SLAIN2: variants seen among roughly 807,000 people sequenced by gnomAD.
SLAIN2 encodes the protein SLAIN family member 2.
SLAIN2 carries 31 observed loss-of-function variants against 56.6 expected under a neutral mutation model. The observed-to-expected ratio is 0.55, with a 90% confidence interval of 0.41 to 0.74. The LOEUF is 0.74. Ranked by LOEUF, SLAIN2 falls within the 30% of genes least tolerant of loss-of-function variation. The pLI is 0.00. For missense variants in SLAIN2, 777 were observed against 754.2 expected (o/e 1.03, Z -0.35); for synonymous variants, 317 against 284.9 (o/e 1.11, Z -1.13).
At chr4:48,414,156 C>T (rs1387287875) in intron 6 of SLAIN2, among the ~76,000 whole-genome samples, 1 of 152,146 alleles carries the variant, frequency 6.6e-6, no homozygotes, top group Non-Finnish European at 1.5e-5. Flanking sequence ...GATAGATCTC[C>T]TTCACATTAT....
intron 7 of SLAIN2, among the ~76,000 whole-genome samples, chr4:48,421,500 G>GT (rs1214416338): frequency 6.6e-6 from 1 of 152,082 alleles, no homozygotes; most frequent in Non-Finnish European, 1.5e-5. Flanking sequence ...TATTAAATGA[G>GT]TAGGTATTCT....
chr4:48,362,413 TTCTC>T (rs935068293), intron 1 of SLAIN2, among the ~76,000 whole-genome samples: 3 of 151,192 alleles, frequency 2.0e-5, no homozygotes, highest in East Asian at 1.9e-4. Flanking sequence ...CTGTCTCCCT[TTCTC>T]TCTCTCTTTT....
intron 2 of SLAIN2, among the ~76,000 whole-genome samples, chr4:48,373,551 A>G (rs1462218364): frequency 6.6e-6 from 1 of 152,156 alleles, no homozygotes; most frequent in African/African-American, 2.4e-5. Flanking sequence ...GGTACATTAT[A>G]AAGAAAAATG....
At chr4:48,347,136 G>A (rs1291728515) in intron 1 of SLAIN2, among the ~76,000 whole-genome samples, 1 of 151,898 alleles carries the variant, frequency 6.6e-6, no homozygotes, top group Admixed American at 6.5e-5. Flanking sequence ...TGGCCAAGCA[G>A]AGCCTCATGG....
chr4:48,347,468 C>T (rs564703442), intron 1 of SLAIN2, among the ~76,000 whole-genome samples: 23 of 152,128 alleles, frequency 1.5e-4, no homozygotes, highest in Admixed American at 5.9e-4. Context: ...AGGCTGGTCT[C>T]GAACTCCTGG....
chr4:48,346,328 GT>G (rs1163032919), intron 1 of SLAIN2, among the ~76,000 whole-genome samples: 3 of 152,148 alleles, frequency 2.0e-5, no homozygotes, highest in Non-Finnish European at 4.4e-5. Context: ...TAAAATTTCT[GT>G]TCTTTTCCAT....
rs1197100000 is a variant in SLAIN2 at position 48,382,594 on chromosome 4, A to T, written c.889A>T (p.Thr297Ser). ...ESLRQEYAAT[T>S]SRRSSGSSCN... ...TCTCCGGCAAGAATATGCAGCCACC[A>T]CGTCTCGGCGCAGTTCTGGTTCATC... The change falls in exon 5 of 8, where the codon ACG becomes TCG. Residue 297 changes from threonine to serine, a missense_variant. By Grantham distance (58) the Thr-to-Ser change is moderately conservative. Coordinates refer to ENST00000264313, the MANE Select transcript of SLAIN2 (RefSeq NM_020846.2). 10 of 1,588,146 alleles carry T rather than the reference A, an allele frequency of 6.3e-6. No homozygotes were observed. Among genetic ancestry groups the T allele is most frequent in the African/African-American group, 1.3e-5 (1 of 74,666 alleles).
chr4:48,382,356 GATTTCATTCAATTTAAAAATA>G (rs1715990799), intron 4 of SLAIN2, among the ~76,000 whole-genome samples, 191 bp from the exon 5 acceptor site: 2 of 151,968 alleles, frequency 1.3e-5, no homozygotes, highest in Admixed American at 6.6e-5. Context: ...TGGTTTATGG[GATTTCATTCAATTTAAAAATA>G]ACCTTCAGAT....
chr4:48,376,900 C>G (rs1183805895), intron 2 of SLAIN2, among the ~76,000 whole-genome samples: 1 of 145,548 alleles, frequency 6.9e-6, no homozygotes, highest in Non-Finnish European at 1.5e-5. Context: ...CGTGAGCCAC[C>G]GCGCCCGGCC....
intron 1 of SLAIN2, among the ~76,000 whole-genome samples, chr4:48,345,211 T>C (rs192255753): frequency 4.5e-4 from 68 of 152,328 alleles, no homozygotes; most frequent in African/African-American, 1.6e-3. Flanking sequence ...AATGTCCTTT[T>C]CACATGAATG....
chr4:48,421,160 C>T (rs1334769582), intron 7 of SLAIN2, among the ~76,000 whole-genome samples: 4 of 152,148 alleles, frequency 2.6e-5, no homozygotes, highest in African/African-American at 7.2e-5. Context: ...GGACTACAGG[C>T]GCACACCACC....
intron 4 of SLAIN2, among the ~76,000 whole-genome samples, chr4:48,381,783 C>T (rs1715978827): frequency 6.6e-6 from 1 of 152,146 alleles, no homozygotes; most frequent in African/African-American, 2.4e-5. Context: ...TAATAGTTAG[C>T]AGGTTGTGCT....
Position 48,394,725 on chromosome 4 carries a change from C to T in SLAIN2, c.1360+10941C>T. The T allele has an allele frequency of 2.4e-6, 3 of 1,243,090 alleles. No homozygotes were observed. The South Asian group carries it at 4.0e-5, about 17-fold the overall frequency. The allele number at this position is 1,243,090 out of a possible 1,614,324, so 77.0% of individuals were successfully genotyped here. A position where few individuals can be genotyped will look rare whatever the true frequency, so the allele number is the denominator to read the frequency against. On this transcript the variant is annotated intron_variant, in intron 6 of 7. Transcript: ENST00000264313. The stretch of plus-strand genomic sequence containing the variant: ...GTTAAATCTTAAGCCATTTGGCATA[C>T]TGAGTCAGTGGTGTCTGTAAGGCAC...
At chr4:48,363,722 C>T (rs1304635880) in intron 1 of SLAIN2, among the ~76,000 whole-genome samples, 8 of 115,110 alleles carry the variant, frequency 6.9e-5, no homozygotes, top group East Asian at 2.8e-4. Flanking sequence ...ACCTCCCAGA[C>T]GGGGCGGCTG....
At chr4:48,345,983 G>C (rs1714853136) in intron 1 of SLAIN2, among the ~76,000 whole-genome samples, 1 of 22,900 alleles carries the variant, frequency 4.4e-5, no homozygotes, top group Non-Finnish European at 3.8e-3. Flanking sequence ...ATTTTGTGTA[G>C]ACATTATGAT....
chr4:48,370,685 C>A (rs1350666482), intron 2 of SLAIN2, among the ~76,000 whole-genome samples: 3 of 152,262 alleles, frequency 2.0e-5, no homozygotes, highest in South Asian at 4.1e-4. Context: ...TGTAGCATGC[C>A]AGTGTGGGCA....
intron 1 of SLAIN2, among the ~76,000 whole-genome samples, chr4:48,354,461 C>T (rs404656): frequency 0.56 from 84,573 of 151,430 alleles, 23,961 homozygotes; most frequent in South Asian, 0.69. Flanking sequence ...TTAATTGTTA[C>T]GGATATTTTT....
chr4:48,404,237 C>T (rs950146626), intron 6 of SLAIN2, among the ~76,000 whole-genome samples: 6 of 152,096 alleles, frequency 3.9e-5, no homozygotes, highest in East Asian at 1.9e-4. Context: ...GCCCACCCTC[C>T]GACTTTTGCA....
At chr4:48,350,199 C>G (rs1169069413) in intron 1 of SLAIN2, among the ~76,000 whole-genome samples, 2 of 152,176 alleles carry the variant, frequency 1.3e-5, no homozygotes, top group Non-Finnish European at 2.9e-5. Flanking sequence ...ATCCTGTGAG[C>G]CTTCTGGATC....
Sources: gnomAD v4.1 joint callset for allele counts (sites outside exome capture counted in the v4.1 genomes callset) on GRCh38, gnomAD v4.1.1 for gene constraint, MANE v1.5 for transcripts, NCBI Gene and HGNC (gene_info 2026-07-23, HGNC 2026-07-21) for gene names.